Variants in LIN9 observed in about 807,000 individuals in gnomAD.
LIN9 encodes protein lin-9 homolog.
A neutral mutation model predicts 78.0 loss-of-function variants in LIN9; 18 were observed. That is an observed-to-expected ratio of 0.23 (90% CI 0.16 to 0.34). The LOEUF (loss-of-function observed/expected upper bound fraction) is 0.34, where lower values mean the gene tolerates loss of function less well. Among genes scored for constraint, LIN9 ranks in the 10% least tolerant of loss-of-function variants. LIN9 has a pLI of 1.00. For synonymous variants in LIN9, 192 were observed against 215.2 expected (o/e 0.89, Z 0.94); for missense variants, 451 against 644.1 (o/e 0.70, Z 3.25).
At chr1:226,308,728 G>GCGGGCGTCTCTCGGCGC (rs1257122248) in intron 1 of LIN9, 1 of 157,752 alleles carries the variant, frequency 6.3e-6, no homozygotes, top group African/African-American at 2.4e-5. Flanking sequence ...CATAACCCCG[G>GCGGGCGTCTCTCGGCGC]CGGGCGTCTC....
intron 7 of LIN9, among the ~76,000 whole-genome samples, chr1:226,273,582 T>C (rs1261955427): frequency 1.3e-5 from 2 of 152,136 alleles, no homozygotes; most frequent in African/African-American, 4.8e-5. Context: ...TCTTTTGACT[T>C]TTTAACTATA....
intron 12 of LIN9, among the ~76,000 whole-genome samples, chr1:226,236,464 A>AT (rs1242007909): frequency 6.6e-6 from 1 of 151,306 alleles, no homozygotes; most frequent in Non-Finnish European, 1.5e-5. Flanking sequence ...TTATTTATTT[A>AT]TTTTTTCTTG....
At chr1:226,309,183 T>C, upstream of LIN9, 1 of 1,439,802 alleles carries the variant, frequency 6.9e-7, no homozygotes, top group South Asian at 1.6e-5. Context: ...CCCGCCGCGG[T>C]GCATTGTGGG....
chr1:226,232,333 C>T lies in LIN9; in HGVS notation c.*168G>A. ...AAAGAAAAATAAATATAATGCTGGT[C>T]AGCAATGCTGGTTTAAGAAGCAGTA... On this transcript the variant is annotated 3_prime_UTR_variant, in exon 15 of 15. Transcript: ENST00000681046. The T allele has an allele frequency of 2.4e-6, 1 of 424,512 alleles. No homozygotes were observed. The highest frequency in any genetic ancestry group is 9.3e-5 in the South Asian group (1 of 10,744). 26.3% of individuals were successfully genotyped at this position (424,512 alleles called of 1,614,324 possible).
At chr1:226,256,077 A>C (rs772366857) in intron 10 of LIN9, among the ~76,000 whole-genome samples, 27 of 151,974 alleles carry the variant, frequency 1.8e-4, no homozygotes, top group Non-Finnish European at 3.1e-4. Flanking sequence ...AACTACAGAA[A>C]ATCCAAGATA....
At position 226,309,149 on chromosome 1, in the gene LIN9, G is replaced by A. The variant is rs765457515; in HGVS notation, c.-10C>T. 6.5e-6 allele frequency: 9 copies of A among 1,377,394 alleles called. No homozygotes were observed. The highest frequency in any genetic ancestry group is 3.9e-5 in the South Asian group (2 of 51,362). The allele number at this position is 1,377,394 out of a possible 1,614,324, so 85.3% of individuals were successfully genotyped here. On this transcript the variant is annotated 5_prime_UTR_variant, in exon 1 of 15. Coordinates refer to ENST00000681046, the MANE Select transcript of LIN9 (RefSeq NM_001366245.2). ...GGTCGAGCTCCGCCATCTTGAACGAGCCGCGCCGCTTTTTCAAAGGCTGCC... is the reference window on the plus strand; with the variant it reads ...GGTCGAGCTCCGCCATCTTGAACGAACCGCGCCGCTTTTTCAAAGGCTGCC...
intron 7 of LIN9, among the ~76,000 whole-genome samples, chr1:226,273,787 T>C (rs1660455381): frequency 6.6e-6 from 1 of 152,088 alleles, no homozygotes; most frequent in African/African-American, 2.4e-5. Context: ...TACTAAAGTT[T>C]TTGAGCCACA....
chr1:226,256,753 T>A (rs1192787631), intron 10 of LIN9, among the ~76,000 whole-genome samples: 1 of 151,726 alleles, frequency 6.6e-6, no homozygotes, highest in African/African-American at 2.4e-5. Flanking sequence ...AGAGACAGGG[T>A]TTCACCATGT....
intron 11 of LIN9, among the ~76,000 whole-genome samples, chr1:226,248,158 T>G (rs552750991): frequency 6.6e-6 from 1 of 152,376 alleles, no homozygotes; most frequent in African/African-American, 2.4e-5. Context: ...GAAGTGCTTC[T>G]TTCTCTCCAT....
chr1:226,287,606 T>C (rs1661450570), intron 5 of LIN9, 58 bp downstream of exon 5: 1 of 1,267,984 alleles, frequency 7.9e-7, no homozygotes, highest in African/African-American at 1.6e-5. Context: ...CTTAAAACAC[T>C]TGAAAAACTT....
At chr1:226,247,751 A>G (rs1658577898) in intron 11 of LIN9, among the ~76,000 whole-genome samples, 1 of 150,824 alleles carries the variant, frequency 6.6e-6, no homozygotes, top group African/African-American at 2.4e-5. Context: ...GGCTCACTGC[A>G]ATGTCTGCTT....
intron 7 of LIN9, among the ~76,000 whole-genome samples, chr1:226,271,390 C>T (rs1005412599): frequency 2.0e-5 from 3 of 152,088 alleles, no homozygotes; most frequent in Non-Finnish European, 2.9e-5. Flanking sequence ...TCTTTGTTTA[C>T]TAAAATATTT....
intron 4 of LIN9, among the ~76,000 whole-genome samples, chr1:226,288,622 A>G (rs1661523386): frequency 6.6e-6 from 1 of 152,230 alleles, no homozygotes; most frequent in African/African-American, 2.4e-5. Context: ...CTATATGTAA[A>G]TAATAACTGG....
chr1:226,241,306 G>A (rs1426410178), intron 11 of LIN9, among the ~76,000 whole-genome samples: 2 of 152,264 alleles, frequency 1.3e-5, no homozygotes, highest in East Asian at 1.9e-4. Context: ...TGAGGATATA[G>A]TGTAACATAA....
At chr1:226,301,315 T>C in intron 1 of LIN9, 110 bp from the exon 2 acceptor site, 1 of 718,868 alleles carries the variant, frequency 1.4e-6, no homozygotes. Flanking sequence ...ATGTTGAGTT[T>C]GAAGAGATGG....
chr1:226,286,234 A>C, intron 6 of LIN9, 99 bp downstream of exon 6: 1 of 1,318,688 alleles, frequency 7.6e-7, no homozygotes, highest in South Asian at 1.5e-5. Flanking sequence ...GCCTTAAGCA[A>C]ATACCCCATC....
At chr1:226,247,591 C>G (rs988944295) in intron 11 of LIN9, among the ~76,000 whole-genome samples, 1 of 152,096 alleles carries the variant, frequency 6.6e-6, no homozygotes, top group Admixed American at 6.6e-5. Flanking sequence ...AAAAAGCAAC[C>G]CTGAACATCA....
At chr1:226,244,546 A>G (rs1164034312) in intron 11 of LIN9, among the ~76,000 whole-genome samples, 3 of 152,196 alleles carry the variant, frequency 2.0e-5, no homozygotes, top group Non-Finnish European at 4.4e-5. Context: ...CTGATAAAAA[A>G]CCAGGTATGA....
chr1:226,267,787 T>TAA (rs1346159829), intron 8 of LIN9, among the ~76,000 whole-genome samples, 170 bp downstream of exon 8: 2 of 152,134 alleles, frequency 1.3e-5, no homozygotes, highest in African/African-American at 2.4e-5. Context: ...ATGGAAGACT[T>TAA]AAGTATAGAT....
Sources: gnomAD v4.1 joint callset for allele counts (sites outside exome capture counted in the v4.1 genomes callset) on GRCh38, gnomAD v4.1.1 for gene constraint, MANE v1.5 for transcripts, NCBI Gene and HGNC (gene_info 2026-07-23, HGNC 2026-07-21) for gene names.